The following MAGI2 variants were observed in gnomAD, a reference collection of about 807,000 sequenced individuals.
The protein encoded by MAGI2 is membrane associated guanylate kinase, WW and PDZ domain containing 2.
In MAGI2, 35 loss-of-function variants were observed where a neutral mutation model predicts 133.3. The ratio of observed to expected loss-of-function variants is 0.26; its 90% CI spans 0.20 to 0.35. The LOEUF is 0.35. Among genes scored for constraint, MAGI2 ranks in the 10% least tolerant of loss-of-function variants. The pLI is 1.00. For synonymous variants in MAGI2, 729 were observed against 710.6 expected (o/e 1.03, Z -0.41); for missense variants, 1,636 against 1,863.4 (o/e 0.88, Z 2.25).
chr7:78,853,372 T>C (rs1341831808), intron 2 of MAGI2, among the ~76,000 whole-genome samples: 1 of 121,310 alleles, frequency 8.2e-6, no homozygotes, highest in East Asian at 2.5e-4. Flanking sequence ...TTTTTTTTTT[T>C]TGAGACAGAG....
At chr7:78,583,949 CT>C (rs1390397453) in intron 3 of MAGI2, among the ~76,000 whole-genome samples, 1 of 152,196 alleles carries the variant, frequency 6.6e-6, no homozygotes, top group Non-Finnish European at 1.5e-5. Flanking sequence ...CTGCATTGAG[CT>C]CAAATACCCT....
chr7:78,538,781 T>C (rs1408390300), intron 3 of MAGI2, among the ~76,000 whole-genome samples: 1 of 152,194 alleles, frequency 6.6e-6, no homozygotes, highest in East Asian at 1.9e-4. Flanking sequence ...AATCATATCA[T>C]TGGCAAACAG....
chr7:78,651,426 G>A (rs894637696), intron 2 of MAGI2, among the ~76,000 whole-genome samples: 4 of 151,480 alleles, frequency 2.6e-5, no homozygotes, highest in South Asian at 2.1e-4. Context: ...TTCTTTCAGC[G>A]CACCCACTGA....
intron 1 of MAGI2, among the ~76,000 whole-genome samples, chr7:79,169,176 G>T (rs1211056183): frequency 2.0e-5 from 3 of 151,778 alleles, no homozygotes; most frequent in African/African-American, 7.3e-5. Context: ...CTTTGCTTTT[G>T]CTCCTCCATA....
In MAGI2 at chr7:78,434,370, A is replaced by G. The variant is rs955256395; in HGVS notation, c.1045+55391T>C. The stretch of plus-strand genomic sequence containing the variant: ...AAGCCTTCAAGGGCATCAGGAAGTC[A>G]GCGTATATGTCTAGCTTTTGGAGAA... On this transcript the variant is annotated intron_variant, in intron 6 of 21. Transcript: ENST00000354212. Among the ~76,000 whole-genome samples, 11 of 152,208 alleles carry G rather than the reference A, an allele frequency of 7.2e-5. No individual in the cohort carries two copies. In the South Asian group the frequency reaches 2.3e-3, roughly 32 times the overall value.
At chr7:78,803,677 G>A (rs1173873733) in intron 2 of MAGI2, among the ~76,000 whole-genome samples, 1 of 152,120 alleles carries the variant, frequency 6.6e-6, no homozygotes, top group African/African-American at 2.4e-5. Flanking sequence ...GCTGACGCGT[G>A]TGTTGAATAA....
chr7:78,083,681 C>T (rs1338551460), intron 20 of MAGI2, among the ~76,000 whole-genome samples: 3 of 152,162 alleles, frequency 2.0e-5, no homozygotes, highest in Non-Finnish European at 2.9e-5. Context: ...TCTAGGTCCC[C>T]GCCTAGTAAG....
intron 1 of MAGI2, among the ~76,000 whole-genome samples, chr7:79,167,084 G>A (rs573594761): frequency 6.6e-6 from 1 of 152,108 alleles, no homozygotes; most frequent in South Asian, 2.1e-4. Flanking sequence ...ATGTTCAAGA[G>A]GTTTGCACAT....
At chr7:78,058,936 A>T (rs1450315450) in intron 21 of MAGI2, among the ~76,000 whole-genome samples, 5 of 151,930 alleles carry the variant, frequency 3.3e-5, no homozygotes, top group Non-Finnish European at 7.4e-5. Context: ...TAACGTGGGG[A>T]TACTTTTTGA....
At chr7:79,396,765 C>G (rs11983573) in intron 1 of MAGI2, among the ~76,000 whole-genome samples, 1 of 151,802 alleles carries the variant, frequency 6.6e-6, no homozygotes, top group African/African-American at 2.4e-5. Context: ...ACTTTAGAGC[C>G]TAATACGTAT....
intron 3 of MAGI2, among the ~76,000 whole-genome samples, chr7:78,539,916 C>A (rs909546608): frequency 6.6e-6 from 1 of 152,186 alleles, no homozygotes; most frequent in Admixed American, 6.5e-5. Flanking sequence ...GCCTCGGGTT[C>A]GCCAGGATGT....
At chr7:78,511,880 A>G (rs7799685) in intron 4 of MAGI2, among the ~76,000 whole-genome samples, 97,108 of 150,810 alleles carry the variant, frequency 0.64, 32,378 homozygotes, top group African/African-American at 0.83. Flanking sequence ...TGGATCACAA[A>G]GTCAGGAGAT....
intron 1 of MAGI2, among the ~76,000 whole-genome samples, chr7:79,045,114 G>A (rs985749030): frequency 6.6e-6 from 1 of 152,136 alleles, no homozygotes; most frequent in African/African-American, 2.4e-5. Context: ...ATTGTACTAA[G>A]AAAATGAAAC....
chr7:78,380,777 T>C (rs1419995697), intron 6 of MAGI2, among the ~76,000 whole-genome samples: 1 of 152,058 alleles, frequency 6.6e-6, no homozygotes, highest in African/African-American at 2.4e-5. Flanking sequence ...ACTTGAAGGG[T>C]TGGATATCCC....
chr7:78,397,007 C>T (rs1168923361), intron 6 of MAGI2, among the ~76,000 whole-genome samples: 1 of 151,982 alleles, frequency 6.6e-6, no homozygotes, highest in East Asian at 1.9e-4. Context: ...CATTGTTGAA[C>T]CTGATATCCC....
At chr7:78,999,945 A>G (rs1348808979) in intron 2 of MAGI2, among the ~76,000 whole-genome samples, 2 of 152,198 alleles carry the variant, frequency 1.3e-5, no homozygotes, top group Non-Finnish European at 2.9e-5. Flanking sequence ...AAGTAATCAC[A>G]AAAGAATATG....
At chr7:78,722,079 TGA>T (rs1820327449) in intron 2 of MAGI2, among the ~76,000 whole-genome samples, 2 of 151,316 alleles carry the variant, frequency 1.3e-5, no homozygotes, top group Admixed American at 1.3e-4. Flanking sequence ...ATAAAAGGTA[TGA>T]CTCTTTAATG....
At chr7:78,877,853 T>C (rs981845336) in intron 2 of MAGI2, among the ~76,000 whole-genome samples, 1 of 152,242 alleles carries the variant, frequency 6.6e-6, no homozygotes, top group Non-Finnish European at 1.5e-5. Context: ...TCCTACATCA[T>C]AGCTTTTTTG....
intron 2 of MAGI2, among the ~76,000 whole-genome samples, chr7:78,803,429 T>A (rs905567762): frequency 1.3e-5 from 2 of 152,186 alleles, no homozygotes; most frequent in Non-Finnish European, 2.9e-5. Context: ...CACAGTTAAA[T>A]CCAAACCGAA....
Sources: gnomAD v4.1 joint callset for allele counts (sites outside exome capture counted in the v4.1 genomes callset) on GRCh38, gnomAD v4.1.1 for gene constraint, MANE v1.5 for transcripts, NCBI Gene and HGNC (gene_info 2026-07-23, HGNC 2026-07-21) for gene names.